The following CPS1 variants were observed in gnomAD, a reference collection of about 807,000 sequenced individuals.
CPS1 encodes the protein carbamoyl-phosphate synthase [ammonia], mitochondrial.
CPS1 carries 109 observed loss-of-function variants against 174.6 expected under a neutral mutation model. That is an observed-to-expected ratio of 0.62 (90% CI 0.53 to 0.73). The LOEUF (loss-of-function observed/expected upper bound fraction) is 0.73. CPS1 is among the 30% of genes least tolerant of loss of function. The probability of loss-of-function intolerance (pLI) is 0.00; values close to 1 mark genes in which losing one functional copy is unlikely to be tolerated. For missense variants in CPS1, 1,689 were observed against 1,821.9 expected (o/e 0.93, Z 1.33); for synonymous variants, 637 against 632.0 (o/e 1.01, Z -0.12).
chr2:210,649,470 A>G (rs1490731185), intron 27 of CPS1, among the ~76,000 whole-genome samples: 1 of 152,242 alleles, frequency 6.6e-6, no homozygotes, highest in East Asian at 1.9e-4. Flanking sequence ...GAAGCAACTG[A>G]AAGCCCTTTA....
In CPS1 at chr2:210,537,754, A is replaced by G. The variant is rs182032609; in HGVS notation, c.4-18965A>G. Among the ~76,000 whole-genome samples the G allele has an allele frequency of 2.0e-5, 3 of 152,258 alleles. No individual in the cohort carries two copies. In the East Asian group the frequency reaches 5.8e-4, roughly 29 times the overall value. ...ATCAGGTACTGTTGATGGATGATGC[A>G]TTTGTGCTTAGTCTGGCCTTGCGCA... On this transcript the variant is annotated intron_variant, in intron 1 of 38. Transcript: ENST00000430249.
chr2:210,484,267 C>A (rs941317355), intron 1 of CPS1, among the ~76,000 whole-genome samples: 4 of 152,116 alleles, frequency 2.6e-5, no homozygotes, highest in Non-Finnish European at 5.9e-5. Flanking sequence ...ATGAGTCAGG[C>A]AAAGTCACAG....
At chr2:210,627,105 C>G (rs1287512978) in intron 21 of CPS1, among the ~76,000 whole-genome samples, 1 of 152,042 alleles carries the variant, frequency 6.6e-6, no homozygotes, top group East Asian at 1.9e-4. Context: ...GCTTAGCGGT[C>G]AAGTTGTGAG....
At chr2:210,496,583 G>A in intron 1 of CPS1, among the ~76,000 whole-genome samples, 1 of 152,158 alleles carries the variant, frequency 6.6e-6, no homozygotes, top group Non-Finnish European at 1.5e-5. Context: ...TATTTGCAAG[G>A]AATTTGGCTG....
At chr2:210,634,972 G>C (rs1314435576) in intron 21 of CPS1, among the ~76,000 whole-genome samples, 3 of 151,978 alleles carry the variant, frequency 2.0e-5, no homozygotes, top group Non-Finnish European at 2.9e-5. Context: ...TTTTGAGGTG[G>C]AGTCTCCGTT....
At chr2:210,549,104 T>A (rs1696648105) in intron 1 of CPS1, among the ~76,000 whole-genome samples, 1 of 152,052 alleles carries the variant, frequency 6.6e-6, no homozygotes, top group South Asian at 2.1e-4. Context: ...TTGCACCACA[T>A]GCTTCTCTGT....
chr2:210,620,382 TG>T (rs1393077818), intron 21 of CPS1, among the ~76,000 whole-genome samples: 1 of 152,116 alleles, frequency 6.6e-6, no homozygotes, highest in Non-Finnish European at 1.5e-5. Context: ...GAGATAAACA[TG>T]TTTCATGTTC....
At chr2:210,640,189 C>G (rs1700176125) in intron 24 of CPS1, 130 bp downstream of exon 24, 1 of 664,290 alleles carries the variant, frequency 1.5e-6, no homozygotes, top group East Asian at 2.8e-5. Context: ...AATTAGGAAG[C>G]TGGGGTTCAG....
chr2:210,539,293 G>A (rs1696340188), intron 1 of CPS1, among the ~76,000 whole-genome samples: 28 of 152,132 alleles, frequency 1.8e-4, no homozygotes, highest in Admixed American at 1.8e-3. Context: ...ACAGAGATCT[G>A]CTTTGATCTT....
chr2:210,640,624 C>T (rs1337142508), intron 24 of CPS1, among the ~76,000 whole-genome samples: 1 of 152,026 alleles, frequency 6.6e-6, no homozygotes, highest in African/African-American at 2.4e-5. Flanking sequence ...ATTACAGATG[C>T]AAGTATGTAT....
intron 19 of CPS1, 24 bp downstream of exon 19, chr2:210,608,583 T>G (rs765320505): frequency 2.5e-6 from 4 of 1,604,732 alleles, no homozygotes; most frequent in East Asian, 2.2e-5. Flanking sequence ...TTATTACGCT[T>G]TTCTTCTTGT....
intron 1 of CPS1, among the ~76,000 whole-genome samples, chr2:210,485,237 A>C (rs1197602117): frequency 7.0e-6 from 1 of 142,120 alleles, no homozygotes. Flanking sequence ...ATCTCAAAAA[A>C]AAAAAAAATA....
At chr2:210,482,451 T>C (rs1247808801) in intron 1 of CPS1, among the ~76,000 whole-genome samples, 1 of 151,958 alleles carries the variant, frequency 6.6e-6, no homozygotes, top group East Asian at 1.9e-4. Flanking sequence ...TACAGACCCG[T>C]GCCACCACGC....
At chr2:210,600,348 A>G (rs1216745288) in intron 14 of CPS1, among the ~76,000 whole-genome samples, 1 of 151,902 alleles carries the variant, frequency 6.6e-6, no homozygotes, top group Non-Finnish European at 1.5e-5. Context: ...GAAGATGGTA[A>G]TATAAGTAAA....
chr2:210,544,400 T>C (rs142625628), intron 1 of CPS1, among the ~76,000 whole-genome samples: 145 of 152,200 alleles, frequency 9.5e-4, no homozygotes, highest in Admixed American at 1.0e-3. Context: ...AAAGGTTAAA[T>C]AACTCAGCCA....
At chr2:210,575,669 T>C (rs1378321680) in intron 2 of CPS1, among the ~76,000 whole-genome samples, 2 of 152,104 alleles carry the variant, frequency 1.3e-5, no homozygotes, top group Non-Finnish European at 2.9e-5. Flanking sequence ...CAGAAATCCC[T>C]CAAGTCAAGT....
intron 1 of CPS1, among the ~76,000 whole-genome samples, chr2:210,525,532 T>C (rs1695948141): frequency 6.6e-6 from 1 of 151,772 alleles, no homozygotes; most frequent in Non-Finnish European, 1.5e-5. Context: ...TTACAGCTTC[T>C]GCTTGATGAT....
At position 210,527,275 on chromosome 2, in the gene CPS1, A is replaced by G. The variant is rs563702806; in HGVS notation, c.4-29444A>G. On this transcript the variant is annotated intron_variant, in intron 1 of 38. Coordinates refer to the CPS1 transcript ENST00000430249. Reference sequence around the variant, plus strand: ...CATTTCTTTGCAATTTACTTTTCTTACATACAAAAATATAAGGGACCTCCA... The same window carrying G: ...CATTTCTTTGCAATTTACTTTTCTTGCATACAAAAATATAAGGGACCTCCA... Among the ~76,000 whole-genome samples, 21 of 152,040 alleles carry G rather than the reference A, an allele frequency of 1.4e-4. No homozygotes were observed. In the South Asian group the frequency reaches 4.4e-3, roughly 32 times the overall value.
At position 210,648,025 on chromosome 2, in the gene CPS1, G is replaced by C; in HGVS notation, c.3304G>C (p.Ala1102Pro). The C allele has an allele frequency of 1.2e-6, 2 of 1,614,012 alleles. No homozygotes were observed. The highest frequency in any genetic ancestry group is 1.3e-5 in the African/African-American group (1 of 75,040). Residue 1102 changes from alanine (A) to proline (P), a missense_variant, in exon 26 of 38, where the codon GCT (alanine) becomes CCT (proline). Ala to Pro is a conservative substitution (Grantham distance 27, BLOSUM62 -1). Coordinates refer to ENST00000233072, the MANE Select transcript of CPS1 (RefSeq NM_001875.5). ...FSAVLDELKV[A>P]QAPWKAVNTL... Reference sequence around the variant, plus strand: ...AGCTGTCTTGGATGAGCTGAAGGTGGCTCAGGCACCTTGGAAAGCTGTTAA... The same window carrying C: ...AGCTGTCTTGGATGAGCTGAAGGTGCCTCAGGCACCTTGGAAAGCTGTTAA...
Sources: allele counts gnomAD v4.1 joint callset (sites outside exome capture counted in the v4.1 genomes callset), GRCh38; gene constraint gnomAD v4.1.1; transcripts MANE v1.5; gene names NCBI Gene and HGNC (gene_info 2026-07-23, HGNC 2026-07-21).